DDX10: variants seen among roughly 807,000 people sequenced by gnomAD.
DDX10 encodes the protein probable ATP-dependent RNA helicase DDX10.
A neutral mutation model predicts 104.3 loss-of-function variants in DDX10; 74 were observed. The observed-to-expected ratio is 0.71, with a 90% CI of 0.59 to 0.86. The LOEUF (loss-of-function observed/expected upper bound fraction) is 0.86. DDX10 is among the 40% of genes least tolerant of loss of function. DDX10 has a pLI of 0.00. For synonymous variants in DDX10, 351 were observed against 353.4 expected, an observed-to-expected ratio of 0.99 and a Z score of 0.08; for missense variants, 952 against 1,040.0, an observed-to-expected ratio of 0.92 and a Z score of 1.16.
chr11:108,800,170 G>A (rs986864908), intron 13 of DDX10, among the ~76,000 whole-genome samples: 21 of 151,540 alleles, frequency 1.4e-4, no homozygotes, highest in African/African-American at 4.4e-4. Flanking sequence ...TTGACCGAGC[G>A]CGGTGGCTCA....
chr11:108,786,910 G>A (rs145266011), intron 13 of DDX10, among the ~76,000 whole-genome samples: 68 of 152,252 alleles, frequency 4.5e-4, no homozygotes, highest in Admixed American at 7.2e-4. Flanking sequence ...TTGCTTTGTA[G>A]AGTTGGTTGT....
chr11:108,852,800 A>G (rs1247112193), intron 16 of DDX10, among the ~76,000 whole-genome samples: 1 of 152,212 alleles, frequency 6.6e-6, no homozygotes, highest in East Asian at 1.9e-4. Flanking sequence ...TTTGTCACTG[A>G]GAAGTGTTCA....
At chr11:108,688,300 A>AT (rs1414872262) in intron 6 of DDX10, among the ~76,000 whole-genome samples, 1 of 152,228 alleles carries the variant, frequency 6.6e-6, no homozygotes, top group Non-Finnish European at 1.5e-5. Context: ...AATTTCAAAC[A>AT]TATGGTACAT....
chr11:108,839,375 A>T, intron 14 of DDX10, among the ~76,000 whole-genome samples: 1 of 152,086 alleles, frequency 6.6e-6, no homozygotes, highest in East Asian at 1.9e-4. Context: ...TTGTGACTTC[A>T]GTCTATATTT....
intron 16 of DDX10, among the ~76,000 whole-genome samples, chr11:108,865,320 T>C (rs758532000): frequency 1.1e-4 from 17 of 152,164 alleles, no homozygotes; most frequent in Non-Finnish European, 1.6e-4. Context: ...GGACTATATA[T>C]CCTGTGGGGC....
chr11:108,917,864 AT>A lies in DDX10; in HGVS notation c.2305-3del. The A allele has an allele frequency of 1.2e-6, 2 of 1,607,526 alleles. No individual in the cohort carries two copies. The highest frequency in any genetic ancestry group is 1.7e-6 in the Non-Finnish European group (2 of 1,178,888). ...TTCAACTGCAGTTTCCCTTATTATTATTTTTTAGGCCAAAGATGAAGAGGAA... is the reference window on the plus strand; with the variant it reads ...TTCAACTGCAGTTTCCCTTATTATTATTTTTAGGCCAAAGATGAAGAGGAA... On this transcript the variant is annotated splice_polypyrimidine_tract_variant and splice_region_variant and intron_variant, in intron 16 of 17. Transcript: ENST00000322536.
chr11:108,810,550 G>A (rs1301262780), intron 13 of DDX10, among the ~76,000 whole-genome samples: 2 of 152,040 alleles, frequency 1.3e-5, no homozygotes, highest in African/African-American at 2.4e-5. Flanking sequence ...GTTGAGAGTG[G>A]TGCGAAATTT....
At chr11:108,878,139 T>C (rs1048053558) in intron 16 of DDX10, among the ~76,000 whole-genome samples, 91 of 152,180 alleles carry the variant, frequency 6.0e-4, no homozygotes, top group African/African-American at 2.1e-3. Flanking sequence ...GATAGGCATA[T>C]TGGATTTATA....
At chr11:108,666,434 C>T (rs889282817) in intron 1 of DDX10, among the ~76,000 whole-genome samples, 8 of 152,080 alleles carry the variant, frequency 5.3e-5, no homozygotes, top group African/African-American at 7.2e-5. Flanking sequence ...GAGCCCAGAT[C>T]GCACCATTGC....
intron 13 of DDX10, among the ~76,000 whole-genome samples, chr11:108,778,833 C>G (rs1475710596): frequency 6.6e-6 from 1 of 151,978 alleles, no homozygotes; most frequent in African/African-American, 2.4e-5. Flanking sequence ...ACAAAGAACT[C>G]AAATTTACAA....
At chr11:108,751,372 G>A (rs968636732) in intron 13 of DDX10, among the ~76,000 whole-genome samples, 3 of 152,054 alleles carry the variant, frequency 2.0e-5, no homozygotes, top group Admixed American at 6.6e-5. Context: ...ACAAGATTTT[G>A]TTATAATCAA....
intron 13 of DDX10, among the ~76,000 whole-genome samples, chr11:108,834,533 A>G (rs1223844380): frequency 1.3e-5 from 2 of 152,172 alleles, no homozygotes; most frequent in East Asian, 3.8e-4. Flanking sequence ...GACCACTGCC[A>G]TGACCCCAGA....
At chr11:108,883,269 G>T (rs1319172292) in intron 16 of DDX10, among the ~76,000 whole-genome samples, 1 of 152,072 alleles carries the variant, frequency 6.6e-6, no homozygotes, top group Admixed American at 6.5e-5. Context: ...AAAAATCACT[G>T]ACAGAATCTC....
intron 13 of DDX10, among the ~76,000 whole-genome samples, chr11:108,803,728 C>CT (rs1295174561): frequency 1.3e-5 from 2 of 151,716 alleles, no homozygotes; most frequent in African/African-American, 2.4e-5. Flanking sequence ...ATTTTATGTC[C>CT]TTTTTTTAGA....
At chr11:108,688,006 G>A (rs2094246981) in intron 6 of DDX10, among the ~76,000 whole-genome samples, 1 of 152,090 alleles carries the variant, frequency 6.6e-6, no homozygotes, top group Non-Finnish European at 1.5e-5. Flanking sequence ...TTCCTTAACA[G>A]TGTGTCCTAG....
rs775566177 is a variant in DDX10, at chr11:108,678,302, T to G, written c.538-13T>G. 13 of 1,606,324 alleles carry G rather than the reference T, an allele frequency of 8.1e-6. No individual in the cohort carries two copies. The highest frequency in any genetic ancestry group is 1.1e-5 in the Non-Finnish European group (13 of 1,177,510). On this transcript the variant is annotated splice_polypyrimidine_tract_variant and intron_variant, in intron 4 of 17. Coordinates refer to ENST00000322536, the MANE Select transcript of DDX10 (RefSeq NM_004398.4). The stretch of plus-strand genomic sequence containing the variant: ...GATGTGTCTGTGTAATCAAAATAAA[T>G]AACTGTTTTCAGGATCTAAAACACG...
At chr11:108,793,611 A>G (rs918963631) in intron 13 of DDX10, among the ~76,000 whole-genome samples, 3 of 152,232 alleles carry the variant, frequency 2.0e-5, no homozygotes, top group Non-Finnish European at 2.9e-5. Context: ...AATTGCTTTT[A>G]TATGGAAATA....
chr11:108,794,042 C>G (rs986945858), intron 13 of DDX10, among the ~76,000 whole-genome samples: 68 of 152,162 alleles, frequency 4.5e-4, no homozygotes, highest in African/African-American at 1.5e-3. Flanking sequence ...CTAATAATTC[C>G]ATTGTGTATA....
rs893149468 is a variant in DDX10, at chr11:108,682,722, A to G, written c.848+3162A>G. On this transcript the variant is annotated intron_variant, in intron 6 of 17. Transcript: ENST00000322536. ...CATCAGTATTTATTTAGACTTACCC[A>G]GTTCTTCTTCTTGTATTGTCACCCT... 8.5e-5 allele frequency among the ~76,000 whole-genome samples: 13 copies of G among 152,294 alleles called. No individual in the cohort carries two copies. In the East Asian group the frequency reaches 2.5e-3, roughly 29 times the overall value.
Sources: gnomAD v4.1 joint callset for allele counts (sites outside exome capture counted in the v4.1 genomes callset) on GRCh38, gnomAD v4.1.1 for gene constraint, MANE v1.5 for transcripts, NCBI Gene and HGNC (gene_info 2026-07-23, HGNC 2026-07-21) for gene names.